Variants in ROBO1 observed in about 807,000 individuals in gnomAD.
The protein encoded by ROBO1 is roundabout homolog 1.
Under a neutral mutation model 195.9 loss-of-function variants are expected in ROBO1, and 149 were observed. The observed-to-expected ratio is 0.76, with a 90% confidence interval of 0.67 to 0.87. The LOEUF is 0.87. Among genes scored for constraint, ROBO1 ranks in the 40% least tolerant of loss-of-function variants. The pLI, the probability that ROBO1 is intolerant of heterozygous loss-of-function variation, is 0.00. For missense variants in ROBO1, 1,933 were observed against 2,068.3 expected (o/e 0.93, Z 1.27); for synonymous variants, 816 against 733.2 (o/e 1.11, Z -1.82).
chr3:79,370,318 C>T (rs537535757), intron 2 of ROBO1, among the ~76,000 whole-genome samples: 2 of 152,080 alleles, frequency 1.3e-5, no homozygotes, highest in African/African-American at 2.4e-5. Flanking sequence ...AGATGGCCCC[C>T]CTGTACTCCA....
At chr3:78,820,780 CTT>C (rs1445723331) in intron 4 of ROBO1, among the ~76,000 whole-genome samples, 2 of 152,124 alleles carry the variant, frequency 1.3e-5, no homozygotes, top group Non-Finnish European at 2.9e-5. Context: ...CAGACTGACT[CTT>C]ATATCATTCA....
intron 2 of ROBO1, among the ~76,000 whole-genome samples, chr3:79,412,160 A>C (rs1384828570): frequency 1.3e-5 from 2 of 152,124 alleles, no homozygotes; most frequent in African/African-American, 4.8e-5. Context: ...TTTTCCCATA[A>C]ATTTTTAAAA....
At chr3:78,669,135 C>T (rs973075740) in intron 11 of ROBO1, among the ~76,000 whole-genome samples, 7 of 152,146 alleles carry the variant, frequency 4.6e-5, no homozygotes, top group Non-Finnish European at 8.8e-5. Flanking sequence ...CGAACACTCT[C>T]GCTCCCTTTT....
At chr3:79,146,496 C>A (rs1033529199) in intron 2 of ROBO1, among the ~76,000 whole-genome samples, 9 of 151,594 alleles carry the variant, frequency 5.9e-5, no homozygotes, top group Non-Finnish European at 7.4e-5. Context: ...ATATATATAT[C>A]TCTAATGTGT....
At chr3:79,259,015 G>A (rs2082888556) in intron 2 of ROBO1, among the ~76,000 whole-genome samples, 1 of 152,076 alleles carries the variant, frequency 6.6e-6, no homozygotes, top group African/African-American at 2.4e-5. Context: ...TATATAATTT[G>A]TTAACTTTGG....
Position 79,309,937 on chromosome 3 carries a change from T to A in ROBO1, c.89-184398A>T, listed in dbSNP as rs144552653. Among the ~76,000 whole-genome samples the A allele has an allele frequency of 6.0e-4, 92 of 152,334 alleles. 2 individuals carry two copies. In the East Asian group the frequency reaches 0.014, roughly 24 times the overall value. On this transcript the variant is annotated intron_variant, in intron 2 of 30. Coordinates refer to ENST00000464233, the MANE Select transcript of ROBO1 (RefSeq NM_002941.4). Reference sequence around the variant, plus strand: ...AAAATTTAGATACAACTCTGAATCATGTCTAAACTGCTGTGAATTTAAATA... The same window carrying A: ...AAAATTTAGATACAACTCTGAATCAAGTCTAAACTGCTGTGAATTTAAATA...
intron 1 of ROBO1, among the ~76,000 whole-genome samples, chr3:79,702,373 T>A (rs1038267321): frequency 6.6e-6 from 1 of 151,894 alleles, no homozygotes; most frequent in Admixed American, 6.6e-5. Context: ...TATAAAGTCC[T>A]GAGGTAACCC....
chr3:78,936,084 C>T (rs1313657969), intron 4 of ROBO1, among the ~76,000 whole-genome samples: 1 of 151,860 alleles, frequency 6.6e-6, no homozygotes, highest in Non-Finnish European at 1.5e-5. Context: ...AATAATCCCC[C>T]AAATAACTGA....
chr3:79,185,539 A>T lies in ROBO1; in HGVS notation c.89-60000T>A, dbSNP rs115674286. 8.3e-4 allele frequency among the ~76,000 whole-genome samples: 127 copies of T among 152,262 alleles called. 1 individual carries two copies. Among genetic ancestry groups the T allele is most frequent in the African/African-American group, 3.0e-3 (124 of 41,578 alleles). On this transcript the variant is annotated intron_variant, in intron 2 of 30. Coordinates refer to ENST00000464233, the MANE Select transcript of ROBO1 (RefSeq NM_002941.4). ...ATCATATTTTGATTTCCTATTAGGT[A>T]TTCATCTTAGAAAATAACTGAGCTA...
chr3:79,663,967 T>A (rs1447829621), intron 1 of ROBO1, among the ~76,000 whole-genome samples: 2 of 152,024 alleles, frequency 1.3e-5, no homozygotes, highest in East Asian at 1.9e-4. Context: ...ACAAATTCAG[T>A]CCTTCCATTT....
intron 4 of ROBO1, among the ~76,000 whole-genome samples, chr3:78,876,419 G>A (rs151204150): frequency 5.9e-5 from 9 of 152,176 alleles, no homozygotes; most frequent in South Asian, 2.1e-4. Flanking sequence ...TGAGATTGTC[G>A]TATAGTCTAT....
At position 78,607,028 on chromosome 3, in the gene ROBO1, A is replaced by G; in HGVS notation, c.4449T>C (p.Pro1483=). 6.2e-7 allele frequency: 1 copy of G among 1,608,804 alleles called. No homozygotes were observed. Among genetic ancestry groups the G allele is most frequent in the Non-Finnish European group, 8.5e-7 (1 of 1,176,280 alleles). The change falls in exon 29 of 31, where the codon CCT becomes CCC. Residue 1483 remains proline, a synonymous_variant. Transcript: ENST00000464233. ...ACTTTATAGCAGGTGGCGGCACAGG[A>G]GGTGGTGGAAGATCTAAAAAGAAAC... ...RETYTDDLPP[P]PVPPPAIKSP...
At chr3:79,380,015 A>G (rs1056265302) in intron 2 of ROBO1, among the ~76,000 whole-genome samples, 4 of 152,220 alleles carry the variant, frequency 2.6e-5, no homozygotes, top group African/African-American at 9.7e-5. Flanking sequence ...AATCATGGTT[A>G]GCACTATAAT....
intron 2 of ROBO1, among the ~76,000 whole-genome samples, chr3:79,244,051 C>G (rs2108888830): frequency 6.6e-6 from 1 of 152,256 alleles, no homozygotes; most frequent in African/African-American, 2.4e-5. Context: ...CTGCATATGG[C>G]TAACCCTCAC....
chr3:79,042,777 G>C (rs989452085), intron 3 of ROBO1, among the ~76,000 whole-genome samples: 2 of 151,956 alleles, frequency 1.3e-5, no homozygotes, highest in African/African-American at 4.8e-5. Context: ...TTCCTAAAAT[G>C]AGCAAATCAA....
At chr3:79,094,074 A>C (rs1299905791) in intron 3 of ROBO1, among the ~76,000 whole-genome samples, 1 of 152,098 alleles carries the variant, frequency 6.6e-6, no homozygotes, top group Non-Finnish European at 1.5e-5. Context: ...AAAGGTAATA[A>C]AACTCAAAGA....
chr3:79,289,749 C>G (rs2032124532), intron 2 of ROBO1, among the ~76,000 whole-genome samples: 1 of 152,094 alleles, frequency 6.6e-6, no homozygotes, highest in African/African-American at 2.4e-5. Flanking sequence ...ATTTCCAGAA[C>G]CACAACTTGA....
At chr3:79,234,537 C>A (rs1022077089) in intron 2 of ROBO1, among the ~76,000 whole-genome samples, 1 of 152,016 alleles carries the variant, frequency 6.6e-6, no homozygotes, top group African/African-American at 2.4e-5. Flanking sequence ...TTCACTGCAG[C>A]ACTATTCACA....
intron 2 of ROBO1, among the ~76,000 whole-genome samples, chr3:79,335,107 G>A (rs960836519): frequency 7.2e-5 from 11 of 152,004 alleles, no homozygotes; most frequent in African/African-American, 2.7e-4. Context: ...ACAGAGCAAG[G>A]CTCCATAAAA....
Sources: gnomAD v4.1 joint callset for allele counts (sites outside exome capture counted in the v4.1 genomes callset) on GRCh38, gnomAD v4.1.1 for gene constraint, MANE v1.5 for transcripts, NCBI Gene and HGNC (gene_info 2026-07-23, HGNC 2026-07-21) for gene names.